GMDS: variants seen among roughly 807,000 people sequenced by gnomAD.
GMDS encodes the protein GDP-mannose 4,6 dehydratase.
GMDS carries 20 observed loss-of-function variants against 49.9 expected under a neutral mutation model. The ratio of observed to expected loss-of-function variants is 0.40; its 90% CI spans 0.28 to 0.58. GMDS has a LOEUF of 0.58. Among genes scored for constraint, GMDS ranks in the 20% least tolerant of loss-of-function variants. The pLI is 0.42. For synonymous variants in GMDS, 177 were observed against 178.6 expected, an observed-to-expected ratio of 0.99 and a Z score of 0.07; for missense variants, 362 against 481.4, an observed-to-expected ratio of 0.75 and a Z score of 2.32.
intron 7 of GMDS, among the ~76,000 whole-genome samples, chr6:1,804,850 A>T (rs1274509308): frequency 6.6e-6 from 1 of 152,202 alleles, no homozygotes; most frequent in African/African-American, 2.4e-5. Context: ...GGCTAAAGTC[A>T]TCTCTGCCAA....
intron 4 of GMDS, among the ~76,000 whole-genome samples, chr6:2,056,003 T>C (rs1770755179): frequency 6.6e-6 from 1 of 152,190 alleles, no homozygotes; most frequent in Non-Finnish European, 1.5e-5. Context: ...ATCTAATTAT[T>C]AGCATGTCAT....
chr6:1,666,257 C>T (rs1166064827), intron 9 of GMDS, among the ~76,000 whole-genome samples: 2 of 152,178 alleles, frequency 1.3e-5, no homozygotes, highest in Non-Finnish European at 2.9e-5. Context: ...CTCTCCCCTG[C>T]ACCACAGTAC....
At chr6:1,965,277 G>A (rs931818710) in intron 4 of GMDS, among the ~76,000 whole-genome samples, 11 of 152,168 alleles carry the variant, frequency 7.2e-5, no homozygotes, top group African/African-American at 2.4e-4. Context: ...AAAGAATTAA[G>A]CACTGTTAGA....
chr6:1,788,382 G>A (rs921672682), intron 7 of GMDS, among the ~76,000 whole-genome samples: 1 of 152,194 alleles, frequency 6.6e-6, no homozygotes, highest in African/African-American at 2.4e-5. Context: ...AGTAGCACAT[G>A]AATGGCTTAA....
chr6:2,082,691 T>C (rs1053609268), intron 4 of GMDS, among the ~76,000 whole-genome samples: 1 of 152,236 alleles, frequency 6.6e-6, no homozygotes, highest in Non-Finnish European at 1.5e-5. Context: ...TTAATGACAC[T>C]TTTAAAAAAT....
intron 1 of GMDS, among the ~76,000 whole-genome samples, chr6:2,227,957 C>A (rs1278365737): frequency 6.6e-6 from 1 of 152,208 alleles, no homozygotes; most frequent in Non-Finnish European, 1.5e-5. Context: ...TGTGGCTGTG[C>A]GGCCCTTTCT....
chr6:2,003,569 C>T (rs887444677), intron 4 of GMDS, among the ~76,000 whole-genome samples: 2 of 152,130 alleles, frequency 1.3e-5, no homozygotes, highest in Non-Finnish European at 2.9e-5. Context: ...AAAGGGATTA[C>T]CTAGAGTAAG....
chr6:2,189,098 C>A (rs922200346), intron 1 of GMDS, among the ~76,000 whole-genome samples: 1 of 151,920 alleles, frequency 6.6e-6, no homozygotes, highest in African/African-American at 2.4e-5. Context: ...AATGAGACTG[C>A]AAAATACCAA....
intron 9 of GMDS, among the ~76,000 whole-genome samples, chr6:1,631,524 G>A (rs926157413): frequency 6.6e-6 from 1 of 151,888 alleles, no homozygotes; most frequent in African/African-American, 2.4e-5. Flanking sequence ...CCACTGCTTC[G>A]GACATGAGTA....
chr6:1,956,533 C>T (rs1007700322), intron 6 of GMDS, among the ~76,000 whole-genome samples: 11 of 152,096 alleles, frequency 7.2e-5, no homozygotes, highest in African/African-American at 2.4e-4. Context: ...CCAAAAACTG[C>T]ATCAACTTGG....
intron 7 of GMDS, among the ~76,000 whole-genome samples, chr6:1,780,411 A>T (rs1054375276): frequency 6.6e-6 from 1 of 152,220 alleles, no homozygotes; most frequent in Admixed American, 6.5e-5. Context: ...TACTGTTATT[A>T]TGGGTTACTC....
rs566289092 is a variant in GMDS, at chr6:1,635,668, G to T, written c.988-11128C>A. ...GGTCTGTGCTGTGCAAAGCCCACCG[G>T]GGGGTGTGGCCCTCAAGTCTGCAGA... On this transcript the variant is annotated intron_variant, in intron 9 of 10. Coordinates refer to ENST00000380815, the MANE Select transcript of GMDS (RefSeq NM_001500.4). The surrounding 1 kb of genome is among the most constrained non-coding windows in gnomAD (Gnocchi z 4.7). Among the ~76,000 whole-genome samples the T allele has an allele frequency of 8.3e-3, 1,259 of 152,312 alleles. 10 individuals carry two copies. Among genetic ancestry groups the T allele is most frequent in the South Asian group, 0.022 (105 of 4,824 alleles).
chr6:1,793,448 C>T (rs1581188486), intron 7 of GMDS, among the ~76,000 whole-genome samples: 1 of 152,154 alleles, frequency 6.6e-6, no homozygotes, highest in East Asian at 1.9e-4. Context: ...CTTAAATGAC[C>T]TCTTTCAAGA....
intron 7 of GMDS, among the ~76,000 whole-genome samples, chr6:1,925,820 G>C (rs151198848): frequency 1.3e-5 from 2 of 152,062 alleles, no homozygotes; most frequent in African/African-American, 4.8e-5. Context: ...CTGCCTTCAC[G>C]CCCAAATGCT....
chr6:1,719,635 G>C (rs200760218), intron 9 of GMDS, among the ~76,000 whole-genome samples: 4 of 97,626 alleles, frequency 4.1e-5, no homozygotes, highest in African/African-American at 7.8e-5. Flanking sequence ...AAAAAAAAAA[G>C]AGAGAGGGAT....
At chr6:2,058,469 G>C (rs1770909833) in intron 4 of GMDS, among the ~76,000 whole-genome samples, 1 of 151,952 alleles carries the variant, frequency 6.6e-6, no homozygotes, top group Admixed American at 6.6e-5. Context: ...TGAGTAAAAA[G>C]AGACTAAAAC....
In GMDS at chr6:2,037,822, G is replaced by A. The variant is rs547486024; in HGVS notation, c.346-76856C>T. Among the ~76,000 whole-genome samples, 5 of 152,208 alleles carry A rather than the reference G, an allele frequency of 3.3e-5. No individual in the cohort carries two copies. In the South Asian group the frequency reaches 1.0e-3, roughly 32 times the overall value. On this transcript the variant is annotated intron_variant, in intron 4 of 10. Transcript: ENST00000380815. The stretch of plus-strand genomic sequence containing the variant: ...GGCAACCTGCACATGGTTTCTAAAG[G>A]AGCCTGAAAGGAAGACATAAAGACA...
At chr6:2,016,087 T>TTA (rs1554147167) in intron 4 of GMDS, among the ~76,000 whole-genome samples, 16 of 134,764 alleles carry the variant, frequency 1.2e-4, no homozygotes, top group African/African-American at 2.2e-4. Flanking sequence ...AAAAATAAAT[T>TTA]AAAAAAAAAA....
intron 4 of GMDS, among the ~76,000 whole-genome samples, chr6:2,040,819 C>T (rs1769630758): frequency 6.6e-6 from 1 of 152,182 alleles, no homozygotes; most frequent in Admixed American, 6.5e-5. Flanking sequence ...ACCCTTATCT[C>T]TGATCAAAGA....
Sources: gnomAD v4.1 joint callset for allele counts (sites outside exome capture counted in the v4.1 genomes callset) on GRCh38, gnomAD v4.1.1 for gene constraint, Gnocchi (gnomAD v3.1) non-coding constraint, MANE v1.5 for transcripts, NCBI Gene and HGNC (gene_info 2026-07-23, HGNC 2026-07-21) for gene names.